Variants in ORM1 observed in about 807,000 individuals in gnomAD.
The protein encoded by ORM1 is alpha-1-acid glycoprotein 1.
Under a neutral mutation model 26.9 loss-of-function variants are expected in ORM1, and 13 were observed. That is an observed-to-expected ratio of 0.48 (90% CI 0.31 to 0.77). ORM1 has a LOEUF of 0.77. ORM1 is among the 30% of genes least tolerant of loss of function. The probability of loss-of-function intolerance (pLI) is 0.04; values close to 1 mark genes in which losing one functional copy is unlikely to be tolerated. For missense variants in ORM1, 189 were observed against 246.8 expected, an observed-to-expected ratio of 0.77 and a Z score of 1.57; for synonymous variants, 76 against 102.2, an observed-to-expected ratio of 0.74 and a Z score of 1.55.
chr9:114,325,133 T>G lies in ORM1; in HGVS notation c.521T>G (p.Val174Gly). Reference protein sequence around the residue: ...DCLRIPKSDVVYTDWKKDKCE... With the variant: ...DCLRIPKSDVGYTDWKKDKCE... ...TTGCGCATTCCCAAGTCAGATGTCG[T>G]GTACACCGATTGGAAAAAGGTAAAC... The change falls in exon 5 of 6, where the codon GTG becomes GGG. Residue 174 changes from valine (V) to glycine (G), a missense_variant. Transcript: ENST00000259396. 6.2e-7 allele frequency: 1 copy of G among 1,614,020 alleles called. No homozygotes were observed. Among genetic ancestry groups the G allele is most frequent in the Middle Eastern group, 1.7e-4 (1 of 6,058 alleles).
chr9:114,325,102 G>A lies in ORM1; in HGVS notation c.490G>A (p.Asp164Asn), dbSNP rs183397033. 1.9e-5 allele frequency: 30 copies of A among 1,613,968 alleles called. No individual in the cohort carries two copies. The highest frequency in any genetic ancestry group is 8.0e-5 in the African/African-American group (6 of 75,040). The change falls in exon 5 of 6, where the codon GAC becomes AAC. Residue 164 changes from aspartate to asparagine, a missense_variant. Physicochemically the swap from Asp to Asn is conservative, Grantham distance 23. Transcript: ENST00000259396. Reference protein sequence around the residue: ...EQLGEFYEALDCLRIPKSDVV... With the variant: ...EQLGEFYEALNCLRIPKSDVV... ...ACTGGGAGAGTTCTACGAAGCTCTCGACTGCTTGCGCATTCCCAAGTCAGA... is the reference window on the plus strand; with the variant it reads ...ACTGGGAGAGTTCTACGAAGCTCTCAACTGCTTGCGCATTCCCAAGTCAGA...
chr9:114,323,722 G>T lies in ORM1; in HGVS notation c.174G>T (p.Ser58=), dbSNP rs11552129. Residue 58 remains serine (S), a synonymous_variant, in exon 2 of 6, where the codon TCG becomes TCT. Transcript: ENST00000259396. The part of the protein sequence containing the change: ...SAFRNEEYNK[S]VQEIQATFFY... ...TTCGAAACGAGGAGTACAATAAGTC[G>T]GTTCAGGAGATCCAAGCAACCTTCT... is the stretch of plus-strand genomic sequence containing the variant. 6.2e-6 allele frequency: 10 copies of T among 1,613,994 alleles called. No individual in the cohort carries two copies. The highest frequency in any genetic ancestry group is 5.9e-6 in the Non-Finnish European group (7 of 1,179,888).
At chr9:114,325,916 C>T (rs1371088450) in intron 5 of ORM1, among the ~76,000 whole-genome samples, 8 of 152,110 alleles carry the variant, frequency 5.3e-5, no homozygotes, top group Non-Finnish European at 1.2e-4. Flanking sequence ...AGCCTGGCAC[C>T]CCCACTGTCT....
In ORM1 at chr9:114,323,768, A is replaced by G. The variant is rs1439817839; in HGVS notation, c.220A>G (p.Thr74Ala). 1 of 1,613,888 alleles carries G rather than the reference A, an allele frequency of 6.2e-7. No homozygotes were observed. Among genetic ancestry groups the G allele is most frequent in the Non-Finnish European group, 8.5e-7 (1 of 1,179,984 alleles). ...ATFFYFTPNK[T>A]EDTIFLREYQ... Reference sequence around the variant, plus strand: ...CTTCTTTTACTTCACCCCCAACAAGACAGAGGACACGATCTTTCTCAGAGA... The same window carrying G: ...CTTCTTTTACTTCACCCCCAACAAGGCAGAGGACACGATCTTTCTCAGAGA... Residue 74 changes from threonine (T) to alanine (A), a missense_variant, in exon 2 of 6, where the codon ACA becomes GCA. Coordinates refer to ENST00000259396, the MANE Select transcript of ORM1 (RefSeq NM_000607.4).
intron 5 of ORM1, among the ~76,000 whole-genome samples, chr9:114,325,409 G>A (rs1354159733): frequency 6.6e-6 from 1 of 151,762 alleles, no homozygotes; most frequent in Non-Finnish European, 1.5e-5. Context: ...TGAGCCACGG[G>A]GTTGGGGGAT....
chr9:114,325,065 G>C lies in ORM1; in HGVS notation c.453G>C (p.Thr151=). The change falls in exon 5 of 6, where the codon ACG becomes ACC. Residue 151 remains threonine (T), a synonymous_variant. Coordinates refer to ENST00000259396, the MANE Select transcript of ORM1 (RefSeq NM_000607.4). ...GLSVYADKPE[T]TKEQLGEFYE... ...CCCCTGCAGCTGACAAGCCAGAGAC[G>C]ACCAAGGAGCAACTGGGAGAGTTCT... 1 of 1,613,966 alleles carries C rather than the reference G, an allele frequency of 6.2e-7. No homozygotes were observed. Among genetic ancestry groups the C allele is most frequent in the Non-Finnish European group, 8.5e-7 (1 of 1,179,902 alleles).
At position 114,323,377 on chromosome 9, in the gene ORM1, G is replaced by C. The variant is rs1434528704; in HGVS notation, c.114+130G>C. 27 of 1,552,992 alleles carry C rather than the reference G, an allele frequency of 1.7e-5. No individual in the cohort carries two copies. The Admixed American group carries it at 5.2e-4, about 30-fold the overall frequency. ...GCCTTTTTCTCTTCTGGGTCCCCAGGGTGAAATTCTCACCAGCCCAGGGGA... is the reference window on the plus strand; with the variant it reads ...GCCTTTTTCTCTTCTGGGTCCCCAGCGTGAAATTCTCACCAGCCCAGGGGA... On this transcript the variant is annotated intron_variant, in intron 1 of 5. Coordinates refer to ENST00000259396, the MANE Select transcript of ORM1 (RefSeq NM_000607.4).
chr9:114,325,444 G>A (rs187526479), intron 5 of ORM1, among the ~76,000 whole-genome samples: 1 of 151,406 alleles, frequency 6.6e-6, no homozygotes, highest in East Asian at 1.9e-4. Context: ...GACGTAATGC[G>A]GGGAGTTACC....
rs141250386 is a variant in ORM1 at position 114,324,809 on chromosome 9, C to T, written c.348C>T (p.Phe116=). 80 of 1,613,750 alleles carry T rather than the reference C, an allele frequency of 5.0e-5. No homozygotes were observed. Among genetic ancestry groups the T allele is most frequent in the South Asian group, 7.7e-5 (7 of 91,076 alleles). ...TTCCAGTGGGAGGCCAAGAGCATTT[C>T]GCTCACTTGCTGATCCTCAGGGACA... The part of the protein sequence containing the change: ...ISRYVGGQEH[F]AHLLILRDTK... Residue 116 remains phenylalanine, a synonymous_variant, in exon 4 of 6, where the codon TTC becomes TTT. Transcript: ENST00000259396.
chr9:114,323,174 C>A lies in ORM1; in HGVS notation c.41C>A (p.Pro14His). The A allele has an allele frequency of 6.4e-7, 1 of 1,551,700 alleles. No homozygotes were observed. Among genetic ancestry groups the A allele is most frequent in the Non-Finnish European group, 8.7e-7 (1 of 1,143,686 alleles). ...SWVLTVLSLL[P>H]LLEAQIPLCA... ...GTTCTTACAGTCCTGAGCCTCCTAC[C>A]TCTGCTGGAAGCCCAGATCCCATTG... Residue 14 changes from proline to histidine, a missense_variant, in exon 1 of 6, where the codon CCT (proline) becomes CAT (histidine). By Grantham distance (77) the Pro-to-His change is moderately conservative. This residue lies in a region of ORM1 where 20 missense variants were observed against 64.2 expected (regional missense o/e 0.31). Transcript: ENST00000259396.
At chr9:114,325,608 G>GAA (rs983304006) in intron 5 of ORM1, among the ~76,000 whole-genome samples, 1 of 152,118 alleles carries the variant, frequency 6.6e-6, no homozygotes, top group African/African-American at 2.4e-5. Context: ...TGCTACAAAT[G>GAA]AAAATTACTT....
chr9:114,324,025 C>G lies in ORM1; in HGVS notation c.265C>G (p.Gln89Glu). The G allele has an allele frequency of 6.2e-7, 1 of 1,613,980 alleles. No individual in the cohort carries two copies. Among genetic ancestry groups the G allele is most frequent in the Non-Finnish European group, 8.5e-7 (1 of 1,179,958 alleles). The change falls in exon 3 of 6, where the codon CAG becomes GAG. Residue 89 changes from glutamine (Q) to glutamate (E), a missense_variant. Coordinates refer to ENST00000259396, the MANE Select transcript of ORM1 (RefSeq NM_000607.4). The stretch of plus-strand genomic sequence containing the variant: ...CCTTCTGTTTGGCTTTAGACAGGAC[C>G]AGTGCATCTATAACACCACCTACCT... The part of the protein sequence containing the change: ...FLREYQTRQD[Q>E]CIYNTTYLNV...
chr9:114,325,950 C>T (rs998212282), intron 5 of ORM1, among the ~76,000 whole-genome samples: 2 of 151,956 alleles, frequency 1.3e-5, no homozygotes, highest in African/African-American at 4.9e-5. Context: ...CGAATGGGTC[C>T]CAAGGCCACC....
intron 3 of ORM1, among the ~76,000 whole-genome samples, 156 bp downstream of exon 3, chr9:114,324,244 A>C (rs566774869): frequency 6.6e-6 from 1 of 152,292 alleles, no homozygotes; most frequent in East Asian, 1.9e-4. Context: ...CAACTCTAAG[A>C]GGACACTGAG....
rs1126810 is a variant in ORM1, at chr9:114,325,143, T to A, written c.531T>A (p.Asp177Glu). The A allele has an allele frequency of 3.1e-6, 5 of 1,613,702 alleles. No homozygotes were observed. The highest frequency in any genetic ancestry group is 4.2e-6 in the Non-Finnish European group (5 of 1,179,768). The change falls in exon 5 of 6, where the codon GAT becomes GAA. Residue 177 changes from aspartate (D) to glutamate (E), a missense_variant. Asp to Glu is a conservative substitution (Grantham distance 45). Around this residue, in one of 3 missense-constraint regions of ORM1, gnomAD observed 163 missense variants for 157.7 expected, o/e 1.03. Coordinates refer to ENST00000259396, the MANE Select transcript of ORM1 (RefSeq NM_000607.4). The stretch of plus-strand genomic sequence containing the variant: ...CCAAGTCAGATGTCGTGTACACCGA[T>A]TGGAAAAAGGTAAACGCAAGGGATT... ...RIPKSDVVYTDWKKDKCEPLE... is the reference protein window; with the variant it reads ...RIPKSDVVYTEWKKDKCEPLE...
rs191036320 is a variant in ORM1 at position 114,324,815 on chromosome 9, C to G, written c.354C>G (p.His118Gln). 2.5e-6 allele frequency: 4 copies of G among 1,614,008 alleles called. No homozygotes were observed. In the African/African-American group the frequency reaches 5.3e-5, roughly 22 times the overall value. Residue 118 changes from histidine to glutamine, a missense_variant, in exon 4 of 6, where the codon CAC (histidine) becomes CAG (glutamine). Transcript: ENST00000259396. ...RYVGGQEHFA[H>Q]LLILRDTKTY... is the part of the protein sequence containing the mutation. ...TGGGAGGCCAAGAGCATTTCGCTCA[C>G]TTGCTGATCCTCAGGGACACCAAGA... is the stretch of plus-strand genomic sequence containing the variant.
intron 2 of ORM1, 47 bp from the exon 3 acceptor site, chr9:114,323,971 T>C (rs1433525545): frequency 6.2e-7 from 1 of 1,609,428 alleles, no homozygotes; most frequent in Non-Finnish European, 8.5e-7. Flanking sequence ...GATTGGCCAC[T>C]TCTCAATAAT....
intron 1 of ORM1, 64 bp from the exon 2 acceptor site, chr9:114,323,599 C>T (rs770939277): frequency 5.0e-6 from 8 of 1,613,042 alleles, no homozygotes; most frequent in Non-Finnish European, 5.9e-6. Flanking sequence ...CCTGAGTCTC[C>T]TCCCAGCTGA....
Position 114,324,905 on chromosome 9 carries a change from T to A in ORM1, c.436+8T>A, listed in dbSNP as rs756130329. On this transcript the variant is annotated splice_region_variant and intron_variant, in intron 4 of 5. Transcript: ENST00000259396. ...GGGGGCTGTCTGTCTATGGTAGGCA[T>A]GCTTAGCAGCCCCAAACTCATGCCC... 1 of 1,612,480 alleles carries A rather than the reference T, an allele frequency of 6.2e-7. No individual in the cohort carries two copies. The highest frequency in any genetic ancestry group is 8.5e-7 in the Non-Finnish European group (1 of 1,178,530).
Sources: gnomAD v4.1 joint callset for allele counts (sites outside exome capture counted in the v4.1 genomes callset) on GRCh38, gnomAD v4.1.1 for gene constraint, gnomAD v4.1.1 regional missense constraint, MANE v1.5 for transcripts, NCBI Gene and HGNC (gene_info 2026-07-23, HGNC 2026-07-21) for gene names.